Variants in PRKCQ observed in about 807,000 individuals in gnomAD.
PRKCQ encodes protein kinase C theta type.
Under a neutral mutation model 91.2 loss-of-function variants are expected in PRKCQ, and 41 were observed. The observed-to-expected ratio is 0.45, with a 90% CI of 0.35 to 0.58. PRKCQ has a LOEUF of 0.58. PRKCQ is among the 20% of genes least tolerant of loss of function. PRKCQ has a pLI of 0.00. For missense variants in PRKCQ, 673 were observed against 896.5 expected (o/e 0.75, Z 3.18); for synonymous variants, 307 against 316.9 (o/e 0.97, Z 0.33).
At position 6,491,695 on chromosome 10, in the gene PRKCQ, G is replaced by C. The variant is rs760419315; in HGVS notation, c.778C>G (p.Leu260Val). 1.2e-6 allele frequency: 2 copies of C among 1,614,174 alleles called. No homozygotes were observed. The highest frequency in any genetic ancestry group is 1.7e-6 in the Non-Finnish European group (2 of 1,180,018). Residue 260 changes from leucine to valine, a missense_variant, in exon 8 of 18, where the codon CTC (leucine) becomes GTC (valine). By Grantham distance (32) the Leu-to-Val change is conservative. Coordinates refer to ENST00000263125, the MANE Select transcript of PRKCQ (RefSeq NM_006257.5). ...CCACTGGACTCACCATCACACTTGA[G>C]TCCTTGCCGTGCCAGTCCCCACAGC... Reference protein sequence around the residue: ...TLLWGLARQGLKCDACGMNVH... With the variant: ...TLLWGLARQGVKCDACGMNVH...
At chr10:6,527,008 G>A (rs1025083685) in intron 1 of PRKCQ, among the ~76,000 whole-genome samples, 2 of 152,202 alleles carry the variant, frequency 1.3e-5, no homozygotes, top group Admixed American at 6.5e-5. Context: ...AAGATGAGGG[G>A]AGGGAAAAGG....
intron 1 of PRKCQ, among the ~76,000 whole-genome samples, chr10:6,517,295 T>A (rs1838803128): frequency 1.3e-5 from 2 of 151,724 alleles, no homozygotes; most frequent in African/African-American, 4.8e-5. Flanking sequence ...AATCAGTTAC[T>A]ATTCTGATCT....
At chr10:6,466,254 AGG>A (rs1835648733) in intron 12 of PRKCQ, among the ~76,000 whole-genome samples, 1 of 152,188 alleles carries the variant, frequency 6.6e-6, no homozygotes, top group African/African-American at 2.4e-5. Context: ...AAGTGGTGGG[AGG>A]GGACTGGAGG....
chr10:6,406,641 A>T, the PRKCQ span, among the ~76,000 whole-genome samples: 1 of 152,238 alleles, frequency 6.6e-6, no homozygotes, highest in Non-Finnish European at 1.5e-5. Context: ...TATAGACACA[A>T]AACAGTTCTG....
rs1467361511 is a variant in PRKCQ, at chr10:6,576,054, A to G, written c.-10+4157T>C. 6.6e-6 allele frequency among the ~76,000 whole-genome samples: 1 copy of G among 152,130 alleles called. No homozygotes were observed. The highest frequency in any genetic ancestry group is 1.5e-5 in the Non-Finnish European group (1 of 68,022). Reference sequence around the variant, plus strand: ...ACTCCATCTCAAAAAACACAAAACAAAAGACAGCGTTGCTGAGAATGTGGA... The same window carrying G: ...ACTCCATCTCAAAAAACACAAAACAGAAGACAGCGTTGCTGAGAATGTGGA... On this transcript the variant is annotated intron_variant, in intron 1 of 17. Coordinates refer to ENST00000263125, the MANE Select transcript of PRKCQ (RefSeq NM_006257.5). This position sits in a 1 kb window ranked among gnomAD's most constrained non-coding sequence, Gnocchi z 4.2.
At chr10:6,511,599 C>G (rs1838480569) in intron 2 of PRKCQ, among the ~76,000 whole-genome samples, 1 of 152,162 alleles carries the variant, frequency 6.6e-6, no homozygotes, top group South Asian at 2.1e-4. Context: ...TGAAGTCCAT[C>G]TCCATGACCA....
intron 2 of PRKCQ, among the ~76,000 whole-genome samples, chr10:6,513,310 T>C (rs1838579816): frequency 1.3e-5 from 2 of 152,064 alleles, no homozygotes; most frequent in South Asian, 4.1e-4. Flanking sequence ...AAGCCCAAAA[T>C]AAAATCAAAA....
intron 1 of PRKCQ, among the ~76,000 whole-genome samples, chr10:6,546,761 A>G (rs1034350026): frequency 2.0e-5 from 3 of 152,128 alleles, no homozygotes; most frequent in Non-Finnish European, 4.4e-5. Flanking sequence ...AGAACTTCCA[A>G]CACTATGTTG....
At chr10:6,554,172 A>G (rs2130941225) in intron 1 of PRKCQ, among the ~76,000 whole-genome samples, 1 of 152,258 alleles carries the variant, frequency 6.6e-6, no homozygotes, top group South Asian at 2.1e-4. Flanking sequence ...GAAACCCACG[A>G]CCGTCAGGAA....
Position 6,486,012 on chromosome 10 carries a change from G to C in PRKCQ, c.900+23C>G, listed in dbSNP as rs141859128. 34 of 1,590,914 alleles carry C rather than the reference G, an allele frequency of 2.1e-5. 1 individual carries two copies. The highest frequency in any genetic ancestry group is 2.9e-5 in the Non-Finnish European group (34 of 1,161,150). ...CTTGCTGAGCGGCCATGGCGGGAAC[G>C]TGTCCACGGCACATGCTCCTACCTG... On this transcript the variant is annotated intron_variant, in intron 9 of 17. Transcript: ENST00000263125.
chr10:6,547,875 G>C lies in PRKCQ; in HGVS notation c.-10+32336C>G, dbSNP rs1450774142. On this transcript the variant is annotated intron_variant, in intron 1 of 17. Coordinates refer to ENST00000263125, the MANE Select transcript of PRKCQ (RefSeq NM_006257.5). ...AGCAATGGCAACAAAAGCCAAAATT[G>C]ACAAATGGGATCTAATTCAACTAAA... is the stretch of plus-strand genomic sequence containing the variant. 1.7e-4 allele frequency among the ~76,000 whole-genome samples: 26 copies of C among 150,620 alleles called. No individual in the cohort carries two copies. The South Asian group carries it at 5.4e-3, about 31-fold the overall frequency.
intron 2 of PRKCQ, among the ~76,000 whole-genome samples, chr10:6,513,460 A>C (rs1030954202): frequency 3.3e-4 from 50 of 151,884 alleles, no homozygotes; most frequent in African/African-American, 1.2e-3. Context: ...AAAAAAAAAA[A>C]AAAAAAAGCC....
At chr10:6,532,006 T>G (rs965543516) in intron 1 of PRKCQ, among the ~76,000 whole-genome samples, 12 of 152,198 alleles carry the variant, frequency 7.9e-5, no homozygotes, top group Non-Finnish European at 1.2e-4. Flanking sequence ...GCCGGGCCAG[T>G]GTTTGACTCT....
chr10:6,512,134 C>T (rs1382206692), intron 2 of PRKCQ: 1 of 152,178 alleles, frequency 6.6e-6, no homozygotes, highest in Admixed American at 6.5e-5. Flanking sequence ...ATAATGAATG[C>T]TCCTTTAAGA....
At chr10:6,546,125 G>A (rs749507618) in intron 1 of PRKCQ, among the ~76,000 whole-genome samples, 5 of 152,342 alleles carry the variant, frequency 3.3e-5, no homozygotes, top group Admixed American at 6.5e-5. Context: ...AAGTGGGATG[G>A]TGGGGAACTG....
intron 1 of PRKCQ, among the ~76,000 whole-genome samples, chr10:6,577,318 G>C (rs546194558): frequency 6.6e-6 from 1 of 152,264 alleles, no homozygotes; most frequent in South Asian, 2.1e-4. Flanking sequence ...ACCATTGTAA[G>C]GAAACAGCTT....
Position 6,518,736 on chromosome 10 carries a change from G to A in PRKCQ, c.-9-3592C>T, listed in dbSNP as rs1260684256. ...CTCTGGAGGCTGAGGCAGGGGAATC[G>A]CTTTGCTCCCTGCAGAGGTTGCAGA... On this transcript the variant is annotated intron_variant, in intron 1 of 17. Coordinates refer to ENST00000263125, the MANE Select transcript of PRKCQ (RefSeq NM_006257.5). Among the ~76,000 whole-genome samples the A allele has an allele frequency of 3.3e-5, 5 of 152,018 alleles. No homozygotes were observed. The South Asian group carries it at 6.2e-4, about 19-fold the overall frequency.
chr10:6,408,693 T>C, the PRKCQ span, among the ~76,000 whole-genome samples: 1 of 152,232 alleles, frequency 6.6e-6, no homozygotes. Flanking sequence ...CTGTTCTTCA[T>C]GTGATAAACA....
the PRKCQ span, among the ~76,000 whole-genome samples, chr10:6,411,522 A>G: frequency 6.6e-6 from 1 of 152,198 alleles, no homozygotes; most frequent in African/African-American, 2.4e-5. Flanking sequence ...AAGGACATCA[A>G]AAACAAATAA....
Sources: gnomAD v4.1 joint callset for allele counts (sites outside exome capture counted in the v4.1 genomes callset) on GRCh38, gnomAD v4.1.1 for gene constraint, Gnocchi (gnomAD v3.1) non-coding constraint, MANE v1.5 for transcripts, NCBI Gene and HGNC (gene_info 2026-07-23, HGNC 2026-07-21) for gene names.